CSMD2: variants seen among roughly 807,000 people sequenced by gnomAD.
The protein encoded by CSMD2 is CUB and sushi domain-containing protein 2.
Under a neutral mutation model 398.5 loss-of-function variants are expected in CSMD2, and 130 were observed. The observed-to-expected ratio is 0.33, with a 90% CI of 0.28 to 0.38. The LOEUF (loss-of-function observed/expected upper bound fraction) is 0.38, where lower values mean the gene tolerates loss of function less well. Among genes scored for constraint, CSMD2 ranks in the 10% least tolerant of loss-of-function variants. The pLI is 1.00. For missense variants in CSMD2, 3,829 were observed against 4,764.9 expected (o/e 0.80, Z 5.78); for synonymous variants, 1,828 against 1,908.5 (o/e 0.96, Z 1.10).
chr1:34,134,396 T>A (rs2994600), intron 1 of CSMD2, among the ~76,000 whole-genome samples: 54,978 of 152,096 alleles, frequency 0.36, 10,951 homozygotes, highest in East Asian at 0.63. Flanking sequence ...ATATTTTCAT[T>A]TCCAAATAAG....
At chr1:33,556,723 G>A (rs1484735337) in intron 55 of CSMD2, among the ~76,000 whole-genome samples, 2 of 152,136 alleles carry the variant, frequency 1.3e-5, no homozygotes, top group African/African-American at 2.4e-5. Flanking sequence ...GGAGAGACCC[G>A]GTGGGAGGTA....
At chr1:33,988,809 T>G (rs988826227) in intron 3 of CSMD2, among the ~76,000 whole-genome samples, 3 of 151,778 alleles carry the variant, frequency 2.0e-5, no homozygotes, top group African/African-American at 7.3e-5. Flanking sequence ...GCTAATAGCC[T>G]TTTCAACCAA....
chr1:33,739,872 T>C (rs1368981373), intron 14 of CSMD2, among the ~76,000 whole-genome samples: 1 of 152,174 alleles, frequency 6.6e-6, no homozygotes, highest in Non-Finnish European at 1.5e-5. Context: ...TTTATTTCCT[T>C]GCCTATTGTC....
chr1:33,837,358 T>G (rs1400990761), intron 6 of CSMD2, among the ~76,000 whole-genome samples: 3 of 151,756 alleles, frequency 2.0e-5, no homozygotes, highest in African/African-American at 7.3e-5. Context: ...AGAGAATTTC[T>G]GGGATATATT....
At chr1:33,647,286 AC>A (rs1280085310) in intron 28 of CSMD2, among the ~76,000 whole-genome samples, 1 of 152,172 alleles carries the variant, frequency 6.6e-6, no homozygotes, top group Non-Finnish European at 1.5e-5. Flanking sequence ...GGGACCTGTT[AC>A]CATGAAGGAC....
chr1:33,633,484 T>G lies in CSMD2; in HGVS notation c.5138A>C (p.Glu1713Ala). Residue 1713 changes from glutamate to alanine, a missense_variant, in exon 32 of 71, where the codon GAG (glutamate) becomes GCG (alanine). Coordinates refer to ENST00000373381, the MANE Select transcript of CSMD2 (RefSeq NM_001281956.2). The surrounding 1 kb of genome is among the most constrained non-coding windows in gnomAD (Gnocchi z 5.0). The stretch of plus-strand genomic sequence containing the variant: ...GTGCTGGCTGTGGCCGTCGTGAACC[T>G]CCACCACGTCGTTGAGGGCCGTGTG... The part of the protein sequence containing the change: ...FFHTALNDVV[E>A]VHDGHSQHSR... The G allele has an allele frequency of 6.4e-7, 1 of 1,554,274 alleles. No individual in the cohort carries two copies. The highest frequency in any genetic ancestry group is 8.7e-7 in the Non-Finnish European group (1 of 1,148,384).
chr1:33,612,276 C>T (rs1314901308), intron 40 of CSMD2, among the ~76,000 whole-genome samples: 1 of 152,154 alleles, frequency 6.6e-6, no homozygotes, highest in Non-Finnish European at 1.5e-5. Context: ...TCAGAATAAG[C>T]ACGAGTATAA....
At chr1:33,998,099 G>A (rs959346700) in intron 3 of CSMD2, among the ~76,000 whole-genome samples, 1 of 152,168 alleles carries the variant, frequency 6.6e-6, no homozygotes, top group Non-Finnish European at 1.5e-5. Context: ...CTCATGAATG[G>A]ATTAATCCAT....
chr1:33,777,294 A>C (rs967808307), intron 12 of CSMD2, among the ~76,000 whole-genome samples: 4 of 152,088 alleles, frequency 2.6e-5, no homozygotes, highest in Non-Finnish European at 5.9e-5. Flanking sequence ...GATTGGGTGG[A>C]AGGAAGAGGA....
chr1:33,646,430 G>C (rs538886981), intron 29 of CSMD2, among the ~76,000 whole-genome samples: 5 of 152,310 alleles, frequency 3.3e-5, no homozygotes, highest in Admixed American at 2.0e-4. Flanking sequence ...AAAGAATGCT[G>C]GTTCCCTTTT....
At chr1:33,543,514 T>A (rs185813749) in intron 57 of CSMD2, among the ~76,000 whole-genome samples, 1 of 152,236 alleles carries the variant, frequency 6.6e-6, no homozygotes, top group South Asian at 2.1e-4. Flanking sequence ...TCCTATTGCA[T>A]TGGATAAGAA....
intron 27 of CSMD2, among the ~76,000 whole-genome samples, chr1:33,655,579 C>T (rs1643922882): frequency 6.6e-6 from 1 of 152,216 alleles, no homozygotes; most frequent in Non-Finnish European, 1.5e-5. Flanking sequence ...TCTAACCTCA[C>T]CACAGAGTGA....
At chr1:34,035,846 C>T (rs187075385) in intron 2 of CSMD2, among the ~76,000 whole-genome samples, 7 of 151,828 alleles carry the variant, frequency 4.6e-5, no homozygotes, top group East Asian at 1.9e-4. Context: ...TTAGAAAATC[C>T]GCAAAAGACA....
At chr1:33,994,208 G>A (rs1368426946) in intron 3 of CSMD2, among the ~76,000 whole-genome samples, 1 of 152,138 alleles carries the variant, frequency 6.6e-6, no homozygotes, top group Non-Finnish European at 1.5e-5. Flanking sequence ...ATTTTTCAGA[G>A]GTAGAATAAA....
chr1:33,559,733 T>G lies in CSMD2; in HGVS notation c.8381-260A>C, dbSNP rs866821171. Among the ~76,000 whole-genome samples, 67 of 152,258 alleles carry G rather than the reference T, an allele frequency of 4.4e-4. No homozygotes were observed. The highest frequency in any genetic ancestry group is 6.8e-3 in the Middle Eastern group (2 of 294). On this transcript the variant is annotated intron_variant, in intron 53 of 70. Transcript: ENST00000373381. The surrounding 1 kb of genome is among the most constrained non-coding windows in gnomAD (Gnocchi z 4.0). ...ATAGGGTGTTAGGACTGGACTGTGG[T>G]TCTCTGTGGTCTGAGCGGTCAGTGC...
chr1:33,845,757 C>T (rs1661290770), intron 6 of CSMD2, among the ~76,000 whole-genome samples: 1 of 152,188 alleles, frequency 6.6e-6, no homozygotes, highest in Non-Finnish European at 1.5e-5. Context: ...TAAATTAGGC[C>T]GTTCCTAAAA....
intron 3 of CSMD2, among the ~76,000 whole-genome samples, chr1:33,956,494 G>A (rs11811719): frequency 0.033 from 5,088 of 152,246 alleles, 287 homozygotes; most frequent in African/African-American, 0.12. Context: ...CAGGTGTCAG[G>A]CCATTGTGTG....
intron 2 of CSMD2, among the ~76,000 whole-genome samples, chr1:34,045,510 C>G (rs1652417669): frequency 6.6e-6 from 1 of 152,220 alleles, no homozygotes; most frequent in Non-Finnish European, 1.5e-5. Flanking sequence ...CCCTGCCTCT[C>G]CAGAAAACAT....
chr1:33,871,658 C>T (rs1640475066), intron 5 of CSMD2, among the ~76,000 whole-genome samples: 1 of 152,084 alleles, frequency 6.6e-6, no homozygotes, highest in South Asian at 2.1e-4. Context: ...GCTCTGTTGC[C>T]CAGGCTGGAG....
Sources: gnomAD v4.1 joint callset for allele counts (sites outside exome capture counted in the v4.1 genomes callset) on GRCh38, gnomAD v4.1.1 for gene constraint, Gnocchi (gnomAD v3.1) non-coding constraint, MANE v1.5 for transcripts, NCBI Gene and HGNC (gene_info 2026-07-23, HGNC 2026-07-21) for gene names.